The following TNFRSF21 variants were observed in gnomAD, a reference collection of about 807,000 sequenced individuals.
TNFRSF21 encodes TNF receptor superfamily member 21, also known as tumor necrosis factor receptor superfamily member 21.
In TNFRSF21, 19 loss-of-function variants were observed where a neutral mutation model predicts 45.6. That is an observed-to-expected ratio of 0.42 (90% CI 0.29 to 0.61). TNFRSF21 has a LOEUF of 0.61. Ranked by LOEUF, TNFRSF21 falls within the 20% of genes least tolerant of loss-of-function variation. The probability of loss-of-function intolerance (pLI) is 0.23; values close to 1 mark genes in which losing one functional copy is unlikely to be tolerated. For missense variants in TNFRSF21, 737 were observed against 851.5 expected (o/e 0.87, Z 1.67); for synonymous variants, 314 against 335.5 (o/e 0.94, Z 0.70).
intron 4 of TNFRSF21, among the ~76,000 whole-genome samples, chr6:47,239,191 C>A (rs530922844): frequency 2.7e-5 from 4 of 147,054 alleles, no homozygotes; most frequent in Admixed American, 1.4e-4. Context: ...GAGGCTGAGG[C>A]AGGAGGATTG....
At chr6:47,300,410 C>A (rs984519292) in intron 1 of TNFRSF21, among the ~76,000 whole-genome samples, 5 of 152,232 alleles carry the variant, frequency 3.3e-5, no homozygotes, top group African/African-American at 9.6e-5. Context: ...ACTGCTCTAG[C>A]ACCATCATCT....
At chr6:47,253,579 A>G in intron 3 of TNFRSF21, 58 bp from the exon 4 acceptor site, 1 of 1,569,616 alleles carries the variant, frequency 6.4e-7, no homozygotes, top group Non-Finnish European at 8.6e-7. Flanking sequence ...CTTCTTACAT[A>G]AGGCAGCTCT....
chr6:47,258,194 C>A (rs1040142088), intron 3 of TNFRSF21, among the ~76,000 whole-genome samples: 1 of 151,972 alleles, frequency 6.6e-6, no homozygotes, highest in South Asian at 2.1e-4. Context: ...CATAGCGAAA[C>A]CCTGTCTCTA....
intron 1 of TNFRSF21, among the ~76,000 whole-genome samples, chr6:47,307,650 A>G (rs1762958479): frequency 6.6e-6 from 1 of 152,184 alleles, no homozygotes; most frequent in African/African-American, 2.4e-5. Context: ...CTGGGATTAC[A>G]GGCATAAGCC....
At chr6:47,299,974 C>A (rs969004456) in intron 1 of TNFRSF21, among the ~76,000 whole-genome samples, 1 of 152,192 alleles carries the variant, frequency 6.6e-6, no homozygotes, top group Non-Finnish European at 1.5e-5. Context: ...GAGGAACACA[C>A]CTTGGGGAAA....
At chr6:47,255,531 G>A (rs758568618) in intron 3 of TNFRSF21, among the ~76,000 whole-genome samples, 7 of 151,482 alleles carry the variant, frequency 4.6e-5, no homozygotes, top group Admixed American at 3.9e-4. Flanking sequence ...GTGCCATCTC[G>A]GCTCACTGCA....
chr6:47,270,944 A>C (rs1250992842), intron 3 of TNFRSF21, among the ~76,000 whole-genome samples: 1 of 152,218 alleles, frequency 6.6e-6, no homozygotes, highest in Non-Finnish European at 1.5e-5. Flanking sequence ...TAATGAAATA[A>C]AGCGAGATGA....
At chr6:47,287,307 CAAAAAAAAAAAAAAAAA>C (rs1164380285) in intron 1 of TNFRSF21, among the ~76,000 whole-genome samples, 2 of 20,874 alleles carry the variant, frequency 9.6e-5, no homozygotes, top group Non-Finnish European at 2.3e-4. Context: ...AACTCTTTCT[CAAAAAAAAAAAAAAAAA>C]AAAAAAAAAA....
intron 1 of TNFRSF21, among the ~76,000 whole-genome samples, chr6:47,305,970 G>A (rs1031110642): frequency 2.0e-5 from 3 of 152,184 alleles, no homozygotes; most frequent in African/African-American, 7.2e-5. Context: ...CATGGATCTT[G>A]TCTCTGCCTT....
chr6:47,244,399 T>C (rs1406733672), intron 4 of TNFRSF21, among the ~76,000 whole-genome samples: 1 of 152,188 alleles, frequency 6.6e-6, no homozygotes, highest in African/African-American at 2.4e-5. Context: ...GCACATTTTT[T>C]TTCTTAATTT....
At chr6:47,292,656 T>C (rs1762743669) in intron 1 of TNFRSF21, among the ~76,000 whole-genome samples, 1 of 152,226 alleles carries the variant, frequency 6.6e-6, no homozygotes, top group African/African-American at 2.4e-5. Flanking sequence ...CCTGTATTAA[T>C]TAGTATTTTT....
intron 1 of TNFRSF21, among the ~76,000 whole-genome samples, chr6:47,296,209 G>T (rs1275357689): frequency 6.6e-6 from 1 of 152,150 alleles, no homozygotes; most frequent in Non-Finnish European, 1.5e-5. Context: ...GCTCACTAAG[G>T]ATTTAAAGAA....
chr6:47,270,707 C>T (rs1048680050), intron 3 of TNFRSF21, among the ~76,000 whole-genome samples: 1 of 152,126 alleles, frequency 6.6e-6, no homozygotes, highest in African/African-American at 2.4e-5. Context: ...TCAGTAATAA[C>T]AAACTTCTCC....
chr6:47,261,036 C>CTGAGA (rs927092628), intron 3 of TNFRSF21, among the ~76,000 whole-genome samples: 8 of 152,094 alleles, frequency 5.3e-5, no homozygotes, highest in African/African-American at 1.9e-4. Context: ...CAGCAGTCTC[C>CTGAGA]TGAGATGTAC....
intron 1 of TNFRSF21, among the ~76,000 whole-genome samples, chr6:47,304,813 G>A (rs1451875970): frequency 6.6e-6 from 1 of 152,116 alleles, no homozygotes; most frequent in Non-Finnish European, 1.5e-5. Context: ...AGGTGTGTTT[G>A]TTTTGTACTG....
intron 3 of TNFRSF21, among the ~76,000 whole-genome samples, chr6:47,257,363 G>A (rs757216448): frequency 1.2e-4 from 18 of 152,156 alleles, no homozygotes; most frequent in Non-Finnish European, 1.6e-4. Flanking sequence ...ATGAAAACAT[G>A]GAGTCAACTC....
chr6:47,289,497 G>A (rs748959239), intron 1 of TNFRSF21, among the ~76,000 whole-genome samples: 2 of 152,048 alleles, frequency 1.3e-5, no homozygotes, highest in African/African-American at 2.4e-5. Context: ...TGATTCTTTT[G>A]TTAAGAAACT....
At position 47,286,249 on chromosome 6, in the gene TNFRSF21, G is replaced by A. The variant is rs143523677; in HGVS notation, c.443C>T (p.Thr148Met). 8.8e-4 allele frequency: 1,425 copies of A among 1,614,060 alleles called. 5 individuals are homozygous for A. The highest frequency in any genetic ancestry group is 5.3e-4 in the Non-Finnish European group (620 of 1,180,036). The change falls in exon 2 of 6, where the codon ACG becomes ATG. Residue 148 changes from threonine (T) to methionine (M), a missense_variant. Coordinates refer to ENST00000296861, the MANE Select transcript of TNFRSF21 (RefSeq NM_014452.5). The part of the protein sequence containing the change: ...FQSNATCAPH[T>M]VCPVGWGVRK... ...CACACCCCAACCCACAGGACACACC[G>A]TATGGGGGGCACAGGTAGCGTTAGA...
chr6:47,292,482 C>T (rs530155431), intron 1 of TNFRSF21, among the ~76,000 whole-genome samples: 1 of 152,204 alleles, frequency 6.6e-6, no homozygotes, highest in South Asian at 2.1e-4. Context: ...TATTTTTAAG[C>T]TTTCCAAGTG....
Sources: gnomAD v4.1 joint callset for allele counts (sites outside exome capture counted in the v4.1 genomes callset) on GRCh38, gnomAD v4.1.1 for gene constraint, MANE v1.5 for transcripts, NCBI Gene and HGNC (gene_info 2026-07-23, HGNC 2026-07-21) for gene names.